Variants in SSBP2 observed in about 807,000 individuals in gnomAD.
The protein encoded by SSBP2 is single stranded DNA binding protein 2, also known as single-stranded DNA-binding protein 2.
Under a neutral mutation model 61.8 loss-of-function variants are expected in SSBP2, and 17 were observed. The ratio of observed to expected loss-of-function variants is 0.28; its 90% CI spans 0.19 to 0.41. The LOEUF is 0.41. Ranked by LOEUF, SSBP2 falls within the 10% of genes least tolerant of loss-of-function variation. The pLI, the probability that SSBP2 is intolerant of heterozygous loss-of-function variation, is 1.00. For synonymous variants in SSBP2, 139 were observed against 141.3 expected (o/e 0.98, Z 0.12); for missense variants, 310 against 458.7 (o/e 0.68, Z 2.96).
At chr5:81,475,449 A>C (rs111292273) in intron 6 of SSBP2, among the ~76,000 whole-genome samples, 1 of 152,218 alleles carries the variant, frequency 6.6e-6, no homozygotes, top group African/African-American at 2.4e-5. Context: ...TCCATTTCCC[A>C]AGTCATTTTT....
chr5:81,574,001 C>A (rs185755150), intron 4 of SSBP2, among the ~76,000 whole-genome samples: 2 of 151,974 alleles, frequency 1.3e-5, no homozygotes, highest in Admixed American at 1.3e-4. Flanking sequence ...ATTAGCCAGG[C>A]GTGGTGGTGG....
At position 81,698,985 on chromosome 5, in the gene SSBP2, G is replaced by C. The variant is rs143720391; in HGVS notation, c.63-48646C>G. Among the ~76,000 whole-genome samples the C allele has an allele frequency of 9.2e-3, 1,399 of 152,290 alleles. 27 individuals carry two copies. Among genetic ancestry groups the C allele is most frequent in the African/African-American group, 0.032 (1,340 of 41,546 alleles). The stretch of plus-strand genomic sequence containing the variant: ...GTGGGTTCAGTTCCAGACCACTGCA[G>C]TAAAGTGAACACTACAATAAAGTGA... On this transcript the variant is annotated intron_variant, in intron 1 of 16. Coordinates refer to ENST00000320672, the MANE Select transcript of SSBP2 (RefSeq NM_012446.5).
chr5:81,718,913 T>C (rs1333303488), intron 1 of SSBP2, among the ~76,000 whole-genome samples: 2 of 152,196 alleles, frequency 1.3e-5, no homozygotes, highest in East Asian at 3.9e-4. Context: ...TCTAAGGACA[T>C]TTCTAATCCA....
chr5:81,456,882 T>A (rs898522176), intron 10 of SSBP2, among the ~76,000 whole-genome samples: 1 of 152,226 alleles, frequency 6.6e-6, no homozygotes, highest in African/African-American at 2.4e-5. Context: ...TTTCATACTT[T>A]CAGAGAAGTG....
At chr5:81,457,870 C>T (rs565812957) in intron 10 of SSBP2, among the ~76,000 whole-genome samples, 9 of 152,000 alleles carry the variant, frequency 5.9e-5, no homozygotes, top group Non-Finnish European at 1.2e-4. Flanking sequence ...CCATGTTGGC[C>T]AGGCTGGTCT....
chr5:81,702,369 T>A (rs893692118), intron 1 of SSBP2, among the ~76,000 whole-genome samples: 1 of 146,004 alleles, frequency 6.8e-6, no homozygotes, highest in Non-Finnish European at 1.5e-5. Context: ...GACTCCCATC[T>A]CAAAAAAACA....
At chr5:81,446,372 A>G (rs1201629496) in intron 12 of SSBP2, among the ~76,000 whole-genome samples, 1 of 152,208 alleles carries the variant, frequency 6.6e-6, no homozygotes, top group Non-Finnish European at 1.5e-5. Flanking sequence ...AAAAACTTTT[A>G]TTATTACATA....
At chr5:81,432,176 G>A (rs1762330798) in intron 15 of SSBP2, among the ~76,000 whole-genome samples, 1 of 151,982 alleles carries the variant, frequency 6.6e-6, no homozygotes, top group East Asian at 1.9e-4. Context: ...TCTCCCAGTG[G>A]GCACAAATGA....
intron 14 of SSBP2, among the ~76,000 whole-genome samples, chr5:81,438,049 T>A (rs1450796404): frequency 6.6e-6 from 1 of 152,154 alleles, no homozygotes; most frequent in Non-Finnish European, 1.5e-5. Flanking sequence ...TGAATTTCTT[T>A]TCTTATGTAA....
intron 12 of SSBP2, among the ~76,000 whole-genome samples, chr5:81,443,818 T>A (rs1301713264): frequency 6.6e-6 from 1 of 152,204 alleles, no homozygotes; most frequent in Admixed American, 6.5e-5. Context: ...CACCTTGGCC[T>A]CCCAAAGTGC....
intron 4 of SSBP2, among the ~76,000 whole-genome samples, chr5:81,606,080 C>A (rs1472447303): frequency 1.3e-5 from 2 of 152,090 alleles, no homozygotes; most frequent in Non-Finnish European, 2.9e-5. Flanking sequence ...ACTAGATGCA[C>A]AATTTTGATC....
rs564116633 is a variant in SSBP2, at chr5:81,583,036, C to G, written c.282+32437G>C. 2.0e-5 allele frequency among the ~76,000 whole-genome samples: 3 copies of G among 152,062 alleles called. No individual in the cohort carries two copies. In the East Asian group the frequency reaches 5.9e-4, roughly 30 times the overall value. The stretch of plus-strand genomic sequence containing the variant: ...TGGAATTTGAGACCAGCCTGGGCAA[C>G]ACAGTGAGACCCCATCTTTAACAAA... On this transcript the variant is annotated intron_variant, in intron 4 of 16. Coordinates refer to ENST00000320672, the MANE Select transcript of SSBP2 (RefSeq NM_012446.5).
At chr5:81,646,519 C>T (rs1033556474) in intron 2 of SSBP2, among the ~76,000 whole-genome samples, 4 of 151,750 alleles carry the variant, frequency 2.6e-5, no homozygotes, top group South Asian at 2.1e-4. Flanking sequence ...CTACAATAAG[C>T]GGCCTCAAAT....
chr5:81,711,126 A>G (rs2153934499), intron 1 of SSBP2, among the ~76,000 whole-genome samples: 1 of 152,186 alleles, frequency 6.6e-6, no homozygotes, highest in African/African-American at 2.4e-5. Context: ...AAAAGCCTAA[A>G]GTAGGGCAAG....
At chr5:81,722,280 G>T (rs1755587713) in intron 1 of SSBP2, among the ~76,000 whole-genome samples, 1 of 151,892 alleles carries the variant, frequency 6.6e-6, no homozygotes, top group Admixed American at 6.6e-5. Context: ...CAAAAATACT[G>T]CTAAGATAAC....
intron 4 of SSBP2, among the ~76,000 whole-genome samples, chr5:81,545,591 A>C (rs1220241517): frequency 6.6e-6 from 1 of 152,164 alleles, no homozygotes; most frequent in African/African-American, 2.4e-5. Flanking sequence ...ACTGAGATTC[A>C]TGGAATTCAT....
At chr5:81,694,514 T>C (rs1354592340) in intron 1 of SSBP2, among the ~76,000 whole-genome samples, 3 of 152,132 alleles carry the variant, frequency 2.0e-5, no homozygotes, top group African/African-American at 7.2e-5. Context: ...TCCAGATAAG[T>C]CATCCTCATT....
intron 9 of SSBP2, among the ~76,000 whole-genome samples, chr5:81,462,770 AAC>A (rs1203027389): frequency 6.6e-6 from 1 of 152,196 alleles, no homozygotes; most frequent in East Asian, 1.9e-4. Flanking sequence ...TGTTAAATAA[AAC>A]ACAGTAAAAA....
In SSBP2 at chr5:81,414,804, T is replaced by G. The variant is rs1281626514; in HGVS notation, c.*5700A>C. The G allele has an allele frequency of 6.6e-6, 1 of 152,028 alleles. No individual in the cohort carries two copies. Among genetic ancestry groups the G allele is most frequent in the African/African-American group, 2.4e-5 (1 of 41,442 alleles). The allele number at this position is 152,028 out of a possible 1,614,324, so 9.4% of individuals were successfully genotyped here. On this transcript the variant is annotated 3_prime_UTR_variant, in exon 17 of 17. Coordinates refer to ENST00000320672, the MANE Select transcript of SSBP2 (RefSeq NM_012446.5). The stretch of plus-strand genomic sequence containing the variant: ...ATCCCAAATAACTTTCATCAGCTGT[T>G]TTACCACTGAAATGAAAAGTAGTCA...
Sources: gnomAD v4.1 joint callset for allele counts (sites outside exome capture counted in the v4.1 genomes callset) on GRCh38, gnomAD v4.1.1 for gene constraint, MANE v1.5 for transcripts, NCBI Gene and HGNC (gene_info 2026-07-23, HGNC 2026-07-21) for gene names.